The following OBSL1 variants were observed in gnomAD, a reference collection of about 807,000 sequenced individuals.
OBSL1 encodes the protein obscurin-like protein 1.
A neutral mutation model predicts 172.0 loss-of-function variants in OBSL1; 160 were observed. The ratio of observed to expected loss-of-function variants is 0.93; its 90% CI spans 0.82 to 1.06. The LOEUF (loss-of-function observed/expected upper bound fraction) is 1.06, where lower values mean the gene tolerates loss of function less well. Among genes scored for constraint, OBSL1 ranks in the 50% least tolerant of loss-of-function variants. The probability of loss-of-function intolerance (pLI) is 0.00; values close to 1 mark genes in which losing one functional copy is unlikely to be tolerated. For missense variants in OBSL1, 2,681 were observed against 2,715.4 expected (o/e 0.99, Z 0.28); for synonymous variants, 1,200 against 1,196.3 (o/e 1.00, Z -0.06).
chr2:219,565,586 G>A, intron 5 of OBSL1, 72 bp from the exon 6 acceptor site: 1 of 1,460,470 alleles, frequency 6.8e-7, no homozygotes, highest in Middle Eastern at 1.8e-4. Context: ...GCATCAGAGG[G>A]AACAACTGCT....
chr2:219,552,081 A>ACT, intron 19 of OBSL1, 31 bp downstream of exon 19: 1 of 1,561,314 alleles, frequency 6.4e-7, no homozygotes, highest in Non-Finnish European at 8.7e-7. Context: ...CAGGATGTAC[A>ACT]CTCTCTGTCG....
intron 8 of OBSL1, 40 bp from the exon 9 acceptor site, chr2:219,559,537 C>T (rs775403576): frequency 5.4e-5 from 85 of 1,587,268 alleles, no homozygotes; most frequent in East Asian, 6.8e-5. Context: ...ACAAGCTCAC[C>T]GTCAGCCTCT....
In OBSL1 at chr2:219,556,239, G is replaced by C; in HGVS notation, c.4390C>G (p.Gln1464Glu). ...GTCTCCACTTCGAGACACACATCCTGGCCTTCCTCTGCCCGCACATCCTGC... is the reference window on the plus strand; with the variant it reads ...GTCTCCACTTCGAGACACACATCCTCGCCTTCCTCTGCCCGCACATCCTGC... Reference protein sequence around the residue: ...RLQDVRAEEGQDVCLEVETGR... With the variant: ...RLQDVRAEEGEDVCLEVETGR... The change falls in exon 14 of 21, where the codon CAG (glutamine) becomes GAG (glutamate). Residue 1464 changes from glutamine to glutamate, a missense_variant. Gln to Glu is a conservative substitution (Grantham distance 29, BLOSUM62 2). This residue lies in a region of OBSL1 where 1,765 missense variants were observed against 1,748.3 expected (regional missense o/e 1.01). Transcript: ENST00000404537. 1 of 1,602,570 alleles carries C rather than the reference G, an allele frequency of 6.2e-7. No individual in the cohort carries two copies. The highest frequency in any genetic ancestry group is 8.5e-7 in the Non-Finnish European group (1 of 1,171,782).
chr2:219,557,355 CAAGG>C lies in OBSL1; in HGVS notation c.4050_4053del (p.Phe1350LeufsTer10), dbSNP rs1010619985. ...GGTACACTGTTACCTTCCACGCTGA[CAAGG>C]AAGATGCGGCTGTCCTGGGGCGCAT... On this transcript the variant is annotated frameshift_variant, in exon 12 of 21. Coordinates refer to ENST00000404537, the MANE Select transcript of OBSL1 (RefSeq NM_015311.3). LOFTEE classifies it high-confidence loss of function. The C allele has an allele frequency of 1.9e-5, 29 of 1,504,486 alleles. No individual in the cohort carries two copies. In the African/African-American group the frequency reaches 3.2e-4, roughly 16 times the overall value. The allele number at this position is 1,504,486 out of a possible 1,614,324, so 93.2% of individuals were successfully genotyped here. A position where few individuals can be genotyped will look rare whatever the true frequency, so the allele number is the denominator to read the frequency against.
chr2:219,549,029 G>A (rs756534619), downstream of OBSL1: 1 of 1,045,578 alleles, frequency 9.6e-7, no homozygotes, highest in Non-Finnish European at 1.4e-6. Context: ...CAGGGTGGGA[G>A]TAAGGGGTTA....
At chr2:219,566,418 A>C (rs1696896703) in intron 5 of OBSL1, among the ~76,000 whole-genome samples, 1 of 152,094 alleles carries the variant, frequency 6.6e-6, no homozygotes, top group African/African-American at 2.4e-5. Context: ...GCCATTGAGA[A>C]GATTGTGTTA....
chr2:219,556,853 G>C (rs967355559), intron 12 of OBSL1, 130 bp from the exon 13 acceptor site: 1 of 1,003,532 alleles, frequency 1.0e-6, no homozygotes, highest in Non-Finnish European at 1.4e-6. Flanking sequence ...ACTATGTATC[G>C]ACCACACCGA....
At chr2:219,554,776 C>G (rs1375624572) in intron 14 of OBSL1, 36 bp from the exon 15 acceptor site, 2 of 1,511,944 alleles carry the variant, frequency 1.3e-6, no homozygotes, top group Non-Finnish European at 1.8e-6. Flanking sequence ...AGGATGAGGC[C>G]TCCAGCTCTG....
At chr2:219,560,247 G>T (rs1328950736) in intron 8 of OBSL1, among the ~76,000 whole-genome samples, 1 of 152,204 alleles carries the variant, frequency 6.6e-6, no homozygotes, top group Non-Finnish European at 1.5e-5. Context: ...TCTGGGGCAG[G>T]AGGAGGAAAT....
downstream of OBSL1, among the ~76,000 whole-genome samples, chr2:219,548,417 G>C (rs1013469330): frequency 2.6e-5 from 4 of 152,216 alleles, no homozygotes; most frequent in South Asian, 8.3e-4. Context: ...TGATATGACA[G>C]AGACATTGTG....
rs758525169 is a variant in OBSL1 at position 219,563,390 on chromosome 2, C to A, written c.2645G>T (p.Gly882Val). ...SDGGEFQCVA[G>V]DECAYFTVTI... Reference sequence around the variant, plus strand: ...GACAGTGAAGTAGGCACACTCATCTCCAGCGACGCACTGAAACTCGCCCCC... The same window carrying A: ...GACAGTGAAGTAGGCACACTCATCTACAGCGACGCACTGAAACTCGCCCCC... The change falls in exon 7 of 21, where the codon GGA becomes GTA. Residue 882 changes from glycine to valine, a missense_variant. Physicochemically the swap from Gly to Val is moderately radical, Grantham distance 109. Transcript: ENST00000404537. 4 of 1,601,470 alleles carry A rather than the reference C, an allele frequency of 2.5e-6. No individual in the cohort carries two copies. The East Asian group carries it at 6.7e-5, about 27-fold the overall frequency.
rs749201396 is a variant in OBSL1 at position 219,559,227 on chromosome 2, G to A, written c.3224C>T (p.Thr1075Ile). 1.9e-6 allele frequency: 3 copies of A among 1,600,444 alleles called. No homozygotes were observed. Among genetic ancestry groups the A allele is most frequent in the South Asian group, 1.1e-5 (1 of 89,516 alleles). ...DDSAFFTVTV[T>I]APPERIVHPA... ...TCTGTGCTGCAGAGACTGCCCACCT[G>A]TGACAGTGACAGTGAAGAAGGCCGA... is the stretch of plus-strand genomic sequence containing the variant. The change falls in exon 9 of 21, where the codon ACA (threonine) becomes ATA (isoleucine). Residue 1075 changes from threonine (T) to isoleucine (I), a missense_variant and splice_region_variant. Coordinates refer to ENST00000404537, the MANE Select transcript of OBSL1 (RefSeq NM_015311.3).
downstream of OBSL1, chr2:219,547,821 C>T: frequency 2.5e-6 from 4 of 1,591,174 alleles, no homozygotes; most frequent in Non-Finnish European, 3.4e-6. Flanking sequence ...CTGCTCTGTG[C>T]CCTGCTCACT....
At position 219,552,563 on chromosome 2, in the gene OBSL1, C is replaced by T. The variant is rs1375594329; in HGVS notation, c.5281G>A (p.Gly1761Arg). 1.3e-6 allele frequency: 2 copies of T among 1,595,374 alleles called. No homozygotes were observed. Among genetic ancestry groups the T allele is most frequent in the Admixed American group, 3.4e-5 (2 of 59,482 alleles). The change falls in exon 18 of 21, where the codon GGA (glycine) becomes AGA (arginine). Residue 1761 changes from glycine to arginine, a missense_variant. Gly to Arg is a moderately radical substitution (Grantham distance 125). This residue lies in a region of OBSL1 where 1,765 missense variants were observed against 1,748.3 expected (regional missense o/e 1.01). Coordinates refer to ENST00000404537, the MANE Select transcript of OBSL1 (RefSeq NM_015311.3). ...WELGGRPLRP[G>R]ARVRIRQEGK... ...TCCTGTCGGATGCGGACGCGGGCTC[C>T]GGGTCTCAGCGGGCGGCCTCCGAGC...
Position 219,570,600 on chromosome 2 carries a change from G to C in OBSL1, c.633C>G (p.Ala211=). The C allele has an allele frequency of 7.3e-6, 11 of 1,516,992 alleles. No individual in the cohort carries two copies. Among genetic ancestry groups the C allele is most frequent in the African/African-American group, 1.4e-5 (1 of 69,456 alleles). 94.0% of individuals were successfully genotyped at this position (1,516,992 alleles called of 1,614,324 possible). ...LPDSGVYVCH[A]RNAHGHAQAG... is the part of the protein sequence containing the mutation. ...CCTGCGCGTGGCCGTGCGCGTTGCG[G>C]GCGTGGCACACGTAGACGCCGGAAT... Residue 211 remains alanine (A), a synonymous_variant, in exon 1 of 21, where the codon GCC becomes GCG. Coordinates refer to ENST00000404537, the MANE Select transcript of OBSL1 (RefSeq NM_015311.3).
intron 8 of OBSL1, among the ~76,000 whole-genome samples, chr2:219,560,838 G>T (rs774977738): frequency 3.9e-5 from 6 of 152,238 alleles, no homozygotes; most frequent in Non-Finnish European, 7.3e-5. Flanking sequence ...TGGGGAAGGT[G>T]ATGAGGGCAG....
rs909769936 is a variant in OBSL1, at chr2:219,567,400, C to G, written c.1710G>C (p.Glu570Asp). 6.2e-7 allele frequency: 1 copy of G among 1,612,998 alleles called. No homozygotes were observed. The highest frequency in any genetic ancestry group is 1.3e-5 in the African/African-American group (1 of 74,934). Reference sequence around the variant, plus strand: ...CCGGCACCTCCACGGCTCCGGCTTTCTCGATGCTGAAGCACTGAATCCAGT... The same window carrying G: ...CCGGCACCTCCACGGCTCCGGCTTTGTCGATGCTGAAGCACTGAATCCAGT... ...SEDWIQCFSI[E>D]KAGAVEVPGD... Residue 570 changes from glutamate to aspartate, a missense_variant, in exon 4 of 21, where the codon GAG (glutamate) becomes GAC (aspartate). Transcript: ENST00000404537.
chr2:219,570,187 G>C, intron 1 of OBSL1, 34 bp downstream of exon 1: 1 of 1,490,126 alleles, frequency 6.7e-7, no homozygotes, highest in Admixed American at 2.4e-5. Context: ...GAGGACACTC[G>C]AGGCCCCTCC....
downstream of OBSL1, chr2:219,549,656 G>A (rs1331503526): frequency 6.3e-7 from 1 of 1,596,364 alleles, no homozygotes. Flanking sequence ...AATTCAGGAA[G>A]AGGTGGCTTT....
Sources: gnomAD v4.1 joint callset for allele counts (sites outside exome capture counted in the v4.1 genomes callset) on GRCh38, gnomAD v4.1.1 for gene constraint, gnomAD v4.1.1 regional missense constraint, MANE v1.5 for transcripts, NCBI Gene and HGNC (gene_info 2026-07-23, HGNC 2026-07-21) for gene names.